Variants in PWWP2A observed in about 807,000 individuals in gnomAD.
The protein encoded by PWWP2A is PWWP domain-containing protein 2A.
PWWP2A carries 18 observed loss-of-function variants against 48.5 expected under a neutral mutation model. The ratio of observed to expected loss-of-function variants is 0.37; its 90% CI spans 0.26 to 0.55. PWWP2A has a LOEUF of 0.55. PWWP2A is among the 20% of genes least tolerant of loss of function. The pLI, the probability that PWWP2A is intolerant of heterozygous loss-of-function variation, is 0.81. For synonymous variants in PWWP2A, 396 were observed against 387.7 expected, an observed-to-expected ratio of 1.02 and a Z score of -0.25; for missense variants, 867 against 976.4, an observed-to-expected ratio of 0.89 and a Z score of 1.49.
chr5:160,045,548 T>TCTCTCCCC, the PWWP2A span, among the ~76,000 whole-genome samples: 1 of 125,674 alleles, frequency 8.0e-6, no homozygotes, highest in African/African-American at 3.2e-5. Flanking sequence ...TCTCTCTCTC[T>TCTCTCCCC]CTCTCCCCCT....
In PWWP2A at chr5:160,095,876, G is replaced by A. The variant is rs141194315; in HGVS notation, c.585-1811C>T. ...TGCCTGGCTAATTTTAGTATTTTTT[G>A]TAGAGACAGGGTTTCACCATGTTGT... On this transcript the variant is annotated intron_variant, in intron 1 of 1. Transcript: ENST00000307063. 3.3e-5 allele frequency among the ~76,000 whole-genome samples: 5 copies of A among 151,890 alleles called. No homozygotes were observed. In the East Asian group the frequency reaches 9.7e-4, roughly 29 times the overall value.
At chr5:160,111,958 C>A (rs1757619853) in intron 1 of PWWP2A, among the ~76,000 whole-genome samples, 1 of 151,632 alleles carries the variant, frequency 6.6e-6, no homozygotes, top group Admixed American at 6.6e-5. Context: ...GAAACCCTGT[C>A]TCCACCAAAA....
rs188026163 is a variant in PWWP2A at position 160,115,561 on chromosome 5, C to T, written c.584+3244G>A. On this transcript the variant is annotated intron_variant, in intron 1 of 1. Coordinates refer to ENST00000307063, the MANE Select transcript of PWWP2A (RefSeq NM_001130864.2). ...TACAAAAATTAGCCGGGCGTGGTGG[C>T]GGGCACCTGTAATCCCAGCTACTCG... Among the ~76,000 whole-genome samples the T allele has an allele frequency of 4.7e-3, 709 of 151,740 alleles. 7 individuals carry two copies. The highest frequency in any genetic ancestry group is 0.013 in the African/African-American group (548 of 41,360).
chr5:160,082,005 C>G (rs968860455), intron 2 of PWWP2A, among the ~76,000 whole-genome samples: 13 of 152,106 alleles, frequency 8.5e-5, no homozygotes, highest in Admixed American at 2.0e-4. Flanking sequence ...AAAATAATTA[C>G]TTCTGAATTT....
Position 160,093,462 on chromosome 5 carries a change from G to A in PWWP2A, c.1188C>T (p.Gly396=), listed in dbSNP as rs761722036. 6.1e-5 allele frequency: 99 copies of A among 1,613,562 alleles called. No homozygotes were observed. Among genetic ancestry groups the A allele is most frequent in the Non-Finnish European group, 7.5e-5 (89 of 1,179,828 alleles). ...VKVSNIAHSR[G]RVVKVSAQAN... ...CCTGAGCAGAAACTTTTACTACTCT[G>A]CCTCTGCTGTGAGCAATATTTGAAA... Residue 396 remains glycine, a synonymous_variant, in exon 2 of 2, where the codon GGC becomes GGT. Transcript: ENST00000307063. This position sits in a 1 kb window ranked among gnomAD's most constrained non-coding sequence, Gnocchi z 5.8.
At chr5:160,044,679 G>T in the PWWP2A span, among the ~76,000 whole-genome samples, 1 of 152,162 alleles carries the variant, frequency 6.6e-6, no homozygotes, top group East Asian at 1.9e-4. Flanking sequence ...GGTGGGCTTT[G>T]GCCAGCCTCT....
At chr5:160,098,351 G>A (rs780912679) in intron 1 of PWWP2A, among the ~76,000 whole-genome samples, 6 of 152,056 alleles carry the variant, frequency 3.9e-5, no homozygotes, top group East Asian at 1.9e-4. Flanking sequence ...CTGGCAAAGC[G>A]GAAAAATATT....
chr5:160,068,907 A>G (rs1173626172), intron 2 of PWWP2A, among the ~76,000 whole-genome samples: 1 of 152,186 alleles, frequency 6.6e-6, no homozygotes, highest in African/African-American at 2.4e-5. Context: ...AATATCTGTT[A>G]CCTCAAGATC....
downstream of PWWP2A, among the ~76,000 whole-genome samples, chr5:160,060,468 C>T (rs140600778): frequency 1.0e-3 from 152 of 152,238 alleles, no homozygotes; most frequent in African/African-American, 3.3e-3. Flanking sequence ...GTCTGATAGA[C>T]GAGATCCTAA....
downstream of PWWP2A, among the ~76,000 whole-genome samples, chr5:160,060,906 A>G (rs186552283): frequency 2.0e-5 from 3 of 152,318 alleles, no homozygotes; most frequent in East Asian, 5.8e-4. Flanking sequence ...AGAAATTTTA[A>G]TGTTTGTTCA....
the PWWP2A span, among the ~76,000 whole-genome samples, chr5:160,045,525 C>CA: frequency 3.2e-5 from 4 of 124,610 alleles, no homozygotes; most frequent in African/African-American, 1.4e-4. Flanking sequence ...TACACACTCT[C>CA]TCTCTCTCTC....
At position 160,113,273 on chromosome 5, in the gene PWWP2A, T is replaced by C. The variant is rs1219135938; in HGVS notation, c.584+5532A>G. Reference sequence around the variant, plus strand: ...TTATGTATGTCCAGCTCCTTTTTTTTCACAGAATGATTCTCCTCAAAAATG... The same window carrying C: ...TTATGTATGTCCAGCTCCTTTTTTTCCACAGAATGATTCTCCTCAAAAATG... On this transcript the variant is annotated intron_variant, in intron 1 of 1. Coordinates refer to ENST00000307063, the MANE Select transcript of PWWP2A (RefSeq NM_001130864.2). 3.1e-6 allele frequency: 3 copies of C among 979,438 alleles called. No homozygotes were observed. The Admixed American group carries it at 1.8e-4, about 60-fold the overall frequency. 60.7% of individuals were successfully genotyped at this position (979,438 alleles called of 1,614,324 possible).
chr5:160,058,262 A>G (rs540717779), downstream of PWWP2A, among the ~76,000 whole-genome samples: 1 of 152,292 alleles, frequency 6.6e-6, no homozygotes, highest in East Asian at 1.9e-4. Flanking sequence ...TTACCTTGTT[A>G]TTGTCACCAC....
chr5:160,092,227 T>A lies in PWWP2A; in HGVS notation c.*155A>T. 1 of 1,380,794 alleles carries A rather than the reference T, an allele frequency of 7.2e-7. No individual in the cohort carries two copies. The highest frequency in any genetic ancestry group is 2.6e-5 in the East Asian group (1 of 39,116). 85.5% of individuals were successfully genotyped at this position (1,380,794 alleles called of 1,614,324 possible). A position where few individuals can be genotyped will look rare whatever the true frequency, so the allele number is the denominator to read the frequency against. The stretch of plus-strand genomic sequence containing the variant: ...TTATATGTTCAGTTTAAGCTCTCAG[T>A]CTAAAAATGGCTATAAGGTAAGTAT... On this transcript the variant is annotated 3_prime_UTR_variant, in exon 2 of 2. Coordinates refer to ENST00000307063, the MANE Select transcript of PWWP2A (RefSeq NM_001130864.2).
Position 160,093,731 on chromosome 5 carries a change from T to A in PWWP2A, c.919A>T (p.Thr307Ser). The change falls in exon 2 of 2, where the codon ACT becomes TCT. Residue 307 changes from threonine (T) to serine (S), a missense_variant. By Grantham distance (58) the Thr-to-Ser change is moderately conservative. This residue lies in a region of PWWP2A where 382 missense variants were observed against 407.2 expected (regional missense o/e 0.94). Transcript: ENST00000307063. The surrounding 1 kb of genome is among the most constrained non-coding windows in gnomAD (Gnocchi z 5.8). ...PKRKMYREEP[T>S]SIMNAIKLRP... is the part of the protein sequence containing the mutation. ...AGTTTAATAGCATTCATTATTGAAG[T>A]GGGTTCTTCCCTGTACATTTTTCGT... The A allele has an allele frequency of 6.2e-7, 1 of 1,614,034 alleles. No homozygotes were observed. The highest frequency in any genetic ancestry group is 8.5e-7 in the Non-Finnish European group (1 of 1,179,904).
intron 1 of PWWP2A, among the ~76,000 whole-genome samples, chr5:160,101,576 TC>T (rs1756294039): frequency 1.3e-5 from 2 of 152,082 alleles, no homozygotes; most frequent in South Asian, 2.1e-4. Context: ...ATGAAAAACT[TC>T]CGGAGATCTG....
downstream of PWWP2A, chr5:160,089,632 A>G (rs1754909107): frequency 7.8e-7 from 1 of 1,288,658 alleles, no homozygotes; most frequent in Non-Finnish European, 1.0e-6. Context: ...AAAGGGAAAA[A>G]TACTCTGATG....
In PWWP2A at chr5:160,093,743, T is replaced by G. The variant is rs947091109; in HGVS notation, c.907A>C (p.Arg303=). 1 of 1,614,088 alleles carries G rather than the reference T, an allele frequency of 6.2e-7. No homozygotes were observed. Among genetic ancestry groups the G allele is most frequent in the Non-Finnish European group, 8.5e-7 (1 of 1,179,906 alleles). The part of the protein sequence containing the change: ...KIKRPKRKMY[R]EEPTSIMNAI... ...TTCATTATTGAAGTGGGTTCTTCCC[T>G]GTACATTTTTCGTTTGGGTCGCTTA... Residue 303 remains arginine (R), a synonymous_variant, in exon 2 of 2, where the codon AGG becomes CGG. Coordinates refer to ENST00000307063, the MANE Select transcript of PWWP2A (RefSeq NM_001130864.2). This position sits in a 1 kb window ranked among gnomAD's most constrained non-coding sequence, Gnocchi z 5.8.
At chr5:160,090,666 T>A (rs796584697), downstream of PWWP2A, 3 of 976,334 alleles carry the variant, frequency 3.1e-6, no homozygotes, top group East Asian at 3.5e-4. Context: ...GACAAGACTA[T>A]TGATTTTCAA....
Sources: gnomAD v4.1 joint callset for allele counts (sites outside exome capture counted in the v4.1 genomes callset) on GRCh38, gnomAD v4.1.1 for gene constraint, gnomAD v4.1.1 regional missense constraint, Gnocchi (gnomAD v3.1) non-coding constraint, MANE v1.5 for transcripts, NCBI Gene and HGNC (gene_info 2026-07-23, HGNC 2026-07-21) for gene names.